The following SUZ12 variants were observed in gnomAD, a reference collection of about 807,000 sequenced individuals.
The protein encoded by SUZ12 is polycomb protein SUZ12.
A neutral mutation model predicts 87.3 loss-of-function variants in SUZ12; 17 were observed. The observed-to-expected ratio is 0.19, with a 90% CI of 0.13 to 0.29. The LOEUF is 0.29. SUZ12 is among the 10% of genes least tolerant of loss of function. The pLI, the probability that SUZ12 is intolerant of heterozygous loss-of-function variation, is 1.00. For missense variants in SUZ12, 526 were observed against 912.2 expected (o/e 0.58, Z 5.45); for synonymous variants, 253 against 312.4 (o/e 0.81, Z 2.01).
At chr17:31,974,612 T>TA (rs753598784) in intron 6 of SUZ12, among the ~76,000 whole-genome samples, 1 of 152,162 alleles carries the variant, frequency 6.6e-6, no homozygotes, top group Non-Finnish European at 1.5e-5. Flanking sequence ...TAGTCATTCT[T>TA]ATGTTCAAAA....
chr17:32,000,317 A>AT lies in SUZ12; in HGVS notation c.*1315dup, dbSNP rs1156268646. The stretch of plus-strand genomic sequence containing the variant: ...CCTATTTTGTTTAATGAAGGGATAT[A>AT]TAAGCTTTCTAATGGTGTCTTCAGA... On this transcript the variant is annotated 3_prime_UTR_variant, in exon 16 of 16. Coordinates refer to ENST00000322652, the MANE Select transcript of SUZ12 (RefSeq NM_015355.4). 1 of 232,860 alleles carries AT rather than the reference A, an allele frequency of 4.3e-6. No individual in the cohort carries two copies. The highest frequency in any genetic ancestry group is 8.5e-6 in the Non-Finnish European group (1 of 117,826). 14.4% of individuals were successfully genotyped at this position (232,860 alleles called of 1,614,324 possible).
At chr17:31,944,191 C>T (rs1243243077) in intron 3 of SUZ12, among the ~76,000 whole-genome samples, 1 of 151,668 alleles carries the variant, frequency 6.6e-6, no homozygotes, top group Non-Finnish European at 1.5e-5. Flanking sequence ...TGCAATGGTG[C>T]AATCTTGGCT....
rs577787842 is a variant in SUZ12 at position 31,995,999 on chromosome 17, A to G, written c.1794+237A>G. On this transcript the variant is annotated intron_variant, in intron 14 of 15. Coordinates refer to ENST00000322652, the MANE Select transcript of SUZ12 (RefSeq NM_015355.4). ...CGAGGCAGGCGCATTGCCTGAGTTC[A>G]GGAGTTCAAGACCAGTCTGGACAGC... is the stretch of plus-strand genomic sequence containing the variant. Among the ~76,000 whole-genome samples, 84 of 152,242 alleles carry G rather than the reference A, an allele frequency of 5.5e-4. 1 individual carries two copies. Among genetic ancestry groups the G allele is most frequent in the African/African-American group, 1.8e-3 (74 of 41,548 alleles).
At chr17:31,940,765 C>T (rs1171218312) in intron 3 of SUZ12, among the ~76,000 whole-genome samples, 1 of 151,528 alleles carries the variant, frequency 6.6e-6, no homozygotes, top group African/African-American at 2.4e-5. Context: ...ATAATCCCAG[C>T]ACTTTGGGAG....
chr17:31,960,561 T>C (rs1022379477), intron 4 of SUZ12, among the ~76,000 whole-genome samples: 1 of 151,330 alleles, frequency 6.6e-6, no homozygotes, highest in African/African-American at 2.4e-5. Flanking sequence ...CAAGTCACAT[T>C]CCCAATGTCA....
chr17:31,995,574 A>T lies in SUZ12; in HGVS notation c.1606A>T (p.Thr536Ser). The T allele has an allele frequency of 6.2e-7, 1 of 1,614,032 alleles. No homozygotes were observed. Residue 536 changes from threonine to serine, a missense_variant, in exon 14 of 16, where the codon ACA (threonine) becomes TCA (serine). Thr to Ser is a moderately conservative substitution (Grantham distance 58). Transcript: ENST00000322652. Reference sequence around the variant, plus strand: ...ATTTCTTTTCATTAGGCCAAAACGAACAAAAGCAAGCATGTCTGAATTTCT... The same window carrying T: ...ATTTCTTTTCATTAGGCCAAAACGATCAAAAGCAAGCATGTCTGAATTTCT... ...THILVCRPKR[T>S]KASMSEFLES...
intron 5 of SUZ12, among the ~76,000 whole-genome samples, chr17:31,969,388 A>T (rs1373061052): frequency 6.6e-6 from 1 of 152,046 alleles, no homozygotes; most frequent in East Asian, 1.9e-4. Flanking sequence ...ATCTCAGGTG[A>T]TTTGCCCACC....
rs957338995 is a variant in SUZ12 at position 32,000,398 on chromosome 17, A to G, written c.*1395A>G. The G allele has an allele frequency of 3.0e-5, 7 of 232,576 alleles. No homozygotes were observed. The highest frequency in any genetic ancestry group is 1.5e-4 in the African/African-American group (7 of 45,312). 14.4% of individuals were successfully genotyped at this position (232,576 alleles called of 1,614,324 possible). ...GGTCTTTAAGATGTGTTTAACTGTGAGGCTATTTAACGAATAGTGTGGATG... is the reference window on the plus strand; with the variant it reads ...GGTCTTTAAGATGTGTTTAACTGTGGGGCTATTTAACGAATAGTGTGGATG... On this transcript the variant is annotated 3_prime_UTR_variant, in exon 16 of 16. Transcript: ENST00000322652.
intron 4 of SUZ12, among the ~76,000 whole-genome samples, chr17:31,949,566 C>T (rs1016162041): frequency 1.4e-5 from 2 of 143,616 alleles, no homozygotes; most frequent in African/African-American, 2.6e-5. Flanking sequence ...GGTGCTATCT[C>T]AGCTCACTGC....
intron 8 of SUZ12, among the ~76,000 whole-genome samples, chr17:31,980,016 A>G (rs1451376756): frequency 2.1e-5 from 3 of 144,658 alleles, no homozygotes; most frequent in Non-Finnish European, 3.0e-5. Flanking sequence ...ATGTATAGAG[A>G]GAGAGAGAGA....
intron 8 of SUZ12, among the ~76,000 whole-genome samples, chr17:31,978,603 TG>T (rs1298608973): frequency 6.6e-6 from 1 of 152,122 alleles, no homozygotes; most frequent in African/African-American, 2.4e-5. Flanking sequence ...GTCATGTCTG[TG>T]GGGGAAACAA....
intron 3 of SUZ12, among the ~76,000 whole-genome samples, chr17:31,941,921 C>T (rs1288440120): frequency 2.6e-5 from 4 of 151,472 alleles, no homozygotes; most frequent in East Asian, 2.0e-4. Flanking sequence ...GGTGCGATAT[C>T]GGCTCACTGC....
chr17:31,942,489 C>T lies in SUZ12; in HGVS notation c.386+2003C>T, dbSNP rs532738987. Among the ~76,000 whole-genome samples the T allele has an allele frequency of 4.6e-4, 70 of 152,226 alleles. No homozygotes were observed. The South Asian group carries it at 6.8e-3, about 15-fold the overall frequency. ...TAGCTGAGATTACAGGTGCCCACCACCACGCCTGGCTAATTTTTTGTATTT... is the reference window on the plus strand; with the variant it reads ...TAGCTGAGATTACAGGTGCCCACCATCACGCCTGGCTAATTTTTTGTATTT... On this transcript the variant is annotated intron_variant, in intron 3 of 15. Transcript: ENST00000322652.
rs536401052 is a variant in SUZ12, at chr17:31,955,937, A to G, written c.455+8252A>G. ...TTATTATTTTTTGTTTTTGAGATGG[A>G]GTCTCGCTCTGTCGCCCAGGCTGGA... On this transcript the variant is annotated intron_variant, in intron 4 of 15. Coordinates refer to ENST00000322652, the MANE Select transcript of SUZ12 (RefSeq NM_015355.4). 2.0e-5 allele frequency among the ~76,000 whole-genome samples: 3 copies of G among 151,746 alleles called. No homozygotes were observed. In the East Asian group the frequency reaches 5.9e-4, roughly 30 times the overall value.
intron 3 of SUZ12, among the ~76,000 whole-genome samples, chr17:31,946,539 CA>C (rs1212957893): frequency 2.6e-5 from 4 of 152,028 alleles, no homozygotes; most frequent in Non-Finnish European, 4.4e-5. Flanking sequence ...ATCTCAAAAA[CA>C]AAACAAACAA....
At chr17:31,965,021 G>T (rs1257962992) in intron 4 of SUZ12, among the ~76,000 whole-genome samples, 1 of 148,810 alleles carries the variant, frequency 6.7e-6, no homozygotes, top group Non-Finnish European at 1.5e-5. Flanking sequence ...AAATTTACAG[G>T]GCAACCTCTT....
intron 4 of SUZ12, among the ~76,000 whole-genome samples, chr17:31,959,454 A>T (rs1907567751): frequency 2.0e-5 from 3 of 152,178 alleles, no homozygotes; most frequent in Admixed American, 2.0e-4. Flanking sequence ...AGTGCGTCTA[A>T]CCCCTATATT....
chr17:31,955,783 T>C (rs1190663957), intron 4 of SUZ12, among the ~76,000 whole-genome samples: 1 of 152,016 alleles, frequency 6.6e-6, no homozygotes, highest in Non-Finnish European at 1.5e-5. Context: ...TGTCTTGTCA[T>C]GTTGCCCAAG....
chr17:31,990,940 G>T (rs1424875667), intron 10 of SUZ12, among the ~76,000 whole-genome samples: 1 of 151,818 alleles, frequency 6.6e-6, no homozygotes, highest in Non-Finnish European at 1.5e-5. Flanking sequence ...GTAGAGATGG[G>T]ATTTTGCCAT....
Sources: allele counts gnomAD v4.1 joint callset (sites outside exome capture counted in the v4.1 genomes callset), GRCh38; gene constraint gnomAD v4.1.1; transcripts MANE v1.5; gene names NCBI Gene and HGNC (gene_info 2026-07-23, HGNC 2026-07-21).